Variants in DTNB observed in about 807,000 individuals in gnomAD.
The protein encoded by DTNB is DTN-B.
Under a neutral mutation model 90.7 loss-of-function variants are expected in DTNB, and 63 were observed. That is an observed-to-expected ratio of 0.69 (90% CI 0.57 to 0.86). The LOEUF is 0.86. DTNB is among the 40% of genes least tolerant of loss of function. The pLI is 0.00. For missense variants in DTNB, 744 were observed against 807.1 expected, an observed-to-expected ratio of 0.92 and a Z score of 0.95; for synonymous variants, 277 against 286.7, an observed-to-expected ratio of 0.97 and a Z score of 0.34.
At chr2:25,640,835 T>C (rs2078132844) in intron 2 of DTNB, among the ~76,000 whole-genome samples, 1 of 151,930 alleles carries the variant, frequency 6.6e-6, no homozygotes, top group African/African-American at 2.4e-5. Flanking sequence ...TGAAACCCCG[T>C]CTCTACTAAA....
At chr2:25,606,953 A>G (rs1156648513) in intron 5 of DTNB, among the ~76,000 whole-genome samples, 1 of 152,232 alleles carries the variant, frequency 6.6e-6, no homozygotes, top group Non-Finnish European at 1.5e-5. Flanking sequence ...TAATTTTAAT[A>G]ATGTGGAAAA....
At position 25,482,455 on chromosome 2, in the gene DTNB, T is replaced by C. The variant is rs56747944; in HGVS notation, c.1079+341A>G. Among the ~76,000 whole-genome samples the C allele has an allele frequency of 8.9e-3, 1,361 of 152,210 alleles. 13 individuals are homozygous for C. The highest frequency in any genetic ancestry group is 0.024 in the African/African-American group (989 of 41,518). ...GACAAAGAATTCAAAGGCAAAACTG[T>C]TGAAACTCACGACTACCAAAATATT... On this transcript the variant is annotated intron_variant, in intron 10 of 20. Coordinates refer to ENST00000406818, the MANE Select transcript of DTNB (RefSeq NM_021907.5).
At chr2:25,504,767 T>C (rs2071928512) in intron 9 of DTNB, among the ~76,000 whole-genome samples, 1 of 152,224 alleles carries the variant, frequency 6.6e-6, no homozygotes, top group Admixed American at 6.5e-5. Context: ...GATTTCATAT[T>C]GCTAAGATAG....
chr2:25,454,160 AAAAAG>A (rs1156716362), intron 11 of DTNB, among the ~76,000 whole-genome samples: 3 of 151,934 alleles, frequency 2.0e-5, no homozygotes, highest in Non-Finnish European at 4.4e-5. Context: ...AAAAAAAAAA[AAAAAG>A]AAAAGAAAAC....
chr2:25,460,382 G>A (rs2060742358), intron 10 of DTNB, among the ~76,000 whole-genome samples: 1 of 152,090 alleles, frequency 6.6e-6, no homozygotes, highest in African/African-American at 2.4e-5. Flanking sequence ...AAAAGCTGTG[G>A]CCAGAAAAAT....
chr2:25,549,822 G>A (rs761243020), intron 8 of DTNB, among the ~76,000 whole-genome samples: 3 of 151,750 alleles, frequency 2.0e-5, no homozygotes, highest in Non-Finnish European at 2.9e-5. Flanking sequence ...AACCACACCC[G>A]GCTAATTTTT....
At chr2:25,660,979 T>C (rs915120710) in intron 1 of DTNB, among the ~76,000 whole-genome samples, 5 of 152,230 alleles carry the variant, frequency 3.3e-5, no homozygotes, top group Non-Finnish European at 7.3e-5. Flanking sequence ...GCTTTTCAAA[T>C]TTTGCCAACA....
At chr2:25,633,065 AAT>A (rs1442956684) in intron 3 of DTNB, among the ~76,000 whole-genome samples, 15 of 152,258 alleles carry the variant, frequency 9.9e-5, no homozygotes, top group African/African-American at 2.7e-4. Flanking sequence ...CAGATAAATT[AAT>A]ATGAGTCGAG....
chr2:25,380,257 G>A (rs1410452932), intron 19 of DTNB, among the ~76,000 whole-genome samples: 1 of 152,114 alleles, frequency 6.6e-6, no homozygotes, highest in African/African-American at 2.4e-5. Context: ...CTCTCTTTAC[G>A]GTTGACAGTT....
chr2:25,616,692 G>T (rs1442362981), intron 4 of DTNB, among the ~76,000 whole-genome samples: 3 of 148,490 alleles, frequency 2.0e-5, no homozygotes, highest in Admixed American at 6.7e-5. Flanking sequence ...CAGCACTTTG[G>T]GAGGCCAAAG....
intron 8 of DTNB, among the ~76,000 whole-genome samples, chr2:25,547,447 C>T (rs868285971): frequency 6.6e-6 from 1 of 151,820 alleles, no homozygotes; most frequent in Non-Finnish European, 1.5e-5. Flanking sequence ...CCTCAGCCTC[C>T]GGAGTAGCTG....
intron 5 of DTNB, 91 bp downstream of exon 5, chr2:25,607,145 C>T: frequency 1.4e-6 from 2 of 1,382,338 alleles, no homozygotes; most frequent in Non-Finnish European, 2.0e-6. Flanking sequence ...TTTTTAAAAG[C>T]TCAATATAAC....
chr2:25,452,738 G>GTT lies in DTNB; in HGVS notation c.1170-1105_1170-1104dup, dbSNP rs946606676. 3.7e-3 allele frequency among the ~76,000 whole-genome samples: 531 copies of GTT among 144,246 alleles called. 5 individuals carry two copies. Among genetic ancestry groups the GTT allele is most frequent in the African/African-American group, 0.013 (498 of 39,536 alleles). The allele number at this position is 144,246 out of a possible 152,430, so 94.6% of individuals were successfully genotyped here. A position where few individuals can be genotyped will look rare whatever the true frequency, so the allele number is the denominator to read the frequency against. Reference sequence around the variant, plus strand: ...TGTAGAATCAACTATATTTTTTCTAGTTTTTTTTTTTTTAATCTTTCTATC... The same window carrying GTT: ...TGTAGAATCAACTATATTTTTTCTAGTTTTTTTTTTTTTTTAATCTTTCTATC... On this transcript the variant is annotated intron_variant, in intron 11 of 20. Coordinates refer to ENST00000406818, the MANE Select transcript of DTNB (RefSeq NM_021907.5).
At chr2:25,479,464 G>T (rs1250739570) in intron 10 of DTNB, among the ~76,000 whole-genome samples, 1 of 152,126 alleles carries the variant, frequency 6.6e-6, no homozygotes, top group Non-Finnish European at 1.5e-5. Context: ...CTATGTGGAC[G>T]CTTTTAAAAG....
At chr2:25,551,396 T>C (rs989347310) in intron 8 of DTNB, among the ~76,000 whole-genome samples, 2 of 152,166 alleles carry the variant, frequency 1.3e-5, no homozygotes, top group African/African-American at 4.8e-5. Flanking sequence ...TTCCCCTGGA[T>C]TTTCATGGTT....
intron 1 of DTNB, among the ~76,000 whole-genome samples, chr2:25,669,043 T>C (rs2085188833): frequency 6.6e-6 from 1 of 152,240 alleles, no homozygotes; most frequent in Non-Finnish European, 1.5e-5. Flanking sequence ...ATTGTAATGA[T>C]TCCATTCATA....
intron 9 of DTNB, among the ~76,000 whole-genome samples, chr2:25,518,682 C>T (rs1234468885): frequency 1.3e-5 from 2 of 152,202 alleles, no homozygotes; most frequent in Non-Finnish European, 2.9e-5. Context: ...TTAGATGATG[C>T]ATAGCCCTCT....
chr2:25,396,157 G>A (rs556804598), intron 16 of DTNB, among the ~76,000 whole-genome samples: 97 of 152,328 alleles, frequency 6.4e-4, no homozygotes, highest in African/African-American at 2.2e-3. Flanking sequence ...TCTAAGTGAA[G>A]TGACTCAGGA....
At chr2:25,662,653 C>CACAG (rs1364395194) in intron 1 of DTNB, among the ~76,000 whole-genome samples, 1 of 89,124 alleles carries the variant, frequency 1.1e-5, no homozygotes, top group African/African-American at 4.4e-5. Flanking sequence ...TATACAAATA[C>CACAG]ACACACACAC....
Sources: gnomAD v4.1 joint callset for allele counts (sites outside exome capture counted in the v4.1 genomes callset) on GRCh38, gnomAD v4.1.1 for gene constraint, MANE v1.5 for transcripts, NCBI Gene and HGNC (gene_info 2026-07-23, HGNC 2026-07-21) for gene names.